The following LRRC8A variants were observed in gnomAD, a reference collection of about 807,000 sequenced individuals.
The protein encoded by LRRC8A is leucine rich repeat containing 8 VRAC subunit A.
Under a neutral mutation model 52.5 loss-of-function variants are expected in LRRC8A, and 24 were observed. The observed-to-expected ratio is 0.46, with a 90% confidence interval of 0.33 to 0.64. The LOEUF is 0.64. Ranked by LOEUF, LRRC8A falls within the 30% of genes least tolerant of loss-of-function variation. LRRC8A has a pLI of 0.02. For missense variants in LRRC8A, 677 were observed against 1,094.7 expected (o/e 0.62, Z 5.38); for synonymous variants, 492 against 494.2 (o/e 1.00, Z 0.06).
At chr9:128,905,097 CA>C (rs1840193594) in intron 2 of LRRC8A, among the ~76,000 whole-genome samples, 1 of 151,710 alleles carries the variant, frequency 6.6e-6, no homozygotes, top group Non-Finnish European at 1.5e-5. Flanking sequence ...ATTGCTTGAC[CA>C]GGAGGTTGAG....
At chr9:128,900,599 T>A (rs1402452615) in intron 2 of LRRC8A, among the ~76,000 whole-genome samples, 1 of 151,844 alleles carries the variant, frequency 6.6e-6, no homozygotes, top group African/African-American at 2.4e-5. Context: ...TCCTAGCTAC[T>A]CAGGAGACTG....
At chr9:128,886,601 G>A (rs1204692740) in intron 2 of LRRC8A, among the ~76,000 whole-genome samples, 5 of 152,170 alleles carry the variant, frequency 3.3e-5, no homozygotes, top group African/African-American at 7.2e-5. Context: ...CTAGCGACTC[G>A]TGTTTCCCCA....
In LRRC8A at chr9:128,891,601, C is replaced by A. The variant is rs1381210146; in HGVS notation, c.-9+5480C>A. On this transcript the variant is annotated intron_variant, in intron 2 of 3. Transcript: ENST00000372600. ...GCCTGCCTTCTAGGCCCTTCTGCCC[C>A]CAGGGCCCAGACCCAACACTGCCTT... 3.9e-5 allele frequency among the ~76,000 whole-genome samples: 6 copies of A among 152,166 alleles called. No homozygotes were observed. The East Asian group carries it at 9.6e-4, about 24-fold the overall frequency.
rs1057394938 is a variant in LRRC8A at position 128,907,400 on chromosome 9, C to A, written c.236C>A (p.Pro79His). 1 of 1,613,286 alleles carries A rather than the reference C, an allele frequency of 6.2e-7. No individual in the cohort carries two copies. The change falls in exon 3 of 4, where the codon CCC becomes CAC. Residue 79 changes from proline (P) to histidine (H), a missense_variant. Physicochemically the swap from Pro to His is moderately conservative, Grantham distance 77 (BLOSUM62 -2). Coordinates refer to ENST00000372600, the MANE Select transcript of LRRC8A (RefSeq NM_019594.4). This position sits in a 1 kb window ranked among gnomAD's most constrained non-coding sequence, Gnocchi z 9.3. ...GGCTGGGCAGCCCCTGGCCCGGAGC[C>A]CACCTACCCCAACTCCACCATTCTG... ...FRGWAAPGPE[P>H]TYPNSTILPT...
chr9:128,915,541 A>G (rs190848830), intron 3 of LRRC8A, among the ~76,000 whole-genome samples: 1,922 of 152,192 alleles, frequency 0.013, 30 homozygotes, highest in African/African-American at 0.041. Flanking sequence ...TAGCCAGGAT[A>G]GTCTCGATCT....
At position 128,916,217 on chromosome 9, in the gene LRRC8A, A is replaced by G; in HGVS notation, c.2279A>G (p.Glu760Gly). Residue 760 changes from glutamate (E) to glycine (G), a missense_variant, in exon 4 of 4, where the codon GAG becomes GGG. Physicochemically the swap from Glu to Gly is moderately conservative, Grantham distance 98. Around this residue, in one of 4 missense-constraint regions of LRRC8A, gnomAD observed 169 missense variants for 217.6 expected, o/e 0.78. Coordinates refer to ENST00000372600, the MANE Select transcript of LRRC8A (RefSeq NM_019594.4). The surrounding 1 kb of genome is among the most constrained non-coding windows in gnomAD (Gnocchi z 6.1). ...GAGCTGACCAACCTGACGCAGATCG[A>G]GCTGCGGGGCAACCGGCTGGAGTGC... is the stretch of plus-strand genomic sequence containing the variant. ...VGELTNLTQI[E>G]LRGNRLECLP... 1 of 1,613,630 alleles carries G rather than the reference A, an allele frequency of 6.2e-7. No homozygotes were observed.
chr9:128,889,619 C>T (rs573010317), intron 2 of LRRC8A, among the ~76,000 whole-genome samples: 15 of 152,070 alleles, frequency 9.9e-5, no homozygotes, highest in African/African-American at 2.7e-4. Context: ...CTCAGCCTCC[C>T]GAGTAGCTGG....
intron 2 of LRRC8A, among the ~76,000 whole-genome samples, chr9:128,901,485 A>G (rs768264113): frequency 2.0e-4 from 31 of 151,998 alleles, no homozygotes; most frequent in Non-Finnish European, 2.9e-4. Flanking sequence ...TTTTTACCCT[A>G]GTGTGGTGCT....
At chr9:128,904,387 C>T (rs1840150983) in intron 2 of LRRC8A, among the ~76,000 whole-genome samples, 1 of 151,440 alleles carries the variant, frequency 6.6e-6, no homozygotes, top group South Asian at 2.1e-4. Flanking sequence ...GGCGTGGTAG[C>T]GTGTGCCTGT....
chr9:128,898,244 G>A (rs557678147), intron 2 of LRRC8A, among the ~76,000 whole-genome samples: 2 of 151,942 alleles, frequency 1.3e-5, no homozygotes, highest in East Asian at 3.9e-4. Context: ...TTTGTGAGAC[G>A]GAGTCTTGCT....
chr9:128,907,337 A>G lies in LRRC8A; in HGVS notation c.173A>G (p.Lys58Arg), dbSNP rs1840292693. ...TQDKMICLPC[K>R]WVTKDSCNDS... ...GACAAGATGATCTGCCTGCCTTGTA[A>G]GTGGGTCACCAAGGACTCCTGCAAT... is the stretch of plus-strand genomic sequence containing the variant. Residue 58 changes from lysine to arginine, a missense_variant, in exon 3 of 4, where the codon AAG (lysine) becomes AGG (arginine). By Grantham distance (26) the Lys-to-Arg change is conservative. Transcript: ENST00000372600. The surrounding 1 kb of genome is among the most constrained non-coding windows in gnomAD (Gnocchi z 9.3). The G allele has an allele frequency of 6.2e-7, 1 of 1,613,858 alleles. No individual in the cohort carries two copies. Among genetic ancestry groups the G allele is most frequent in the East Asian group, 2.2e-5 (1 of 44,874 alleles).
intron 2 of LRRC8A, among the ~76,000 whole-genome samples, chr9:128,897,554 T>A (rs924877825): frequency 1.7e-4 from 25 of 150,330 alleles, no homozygotes; most frequent in Middle Eastern, 6.8e-3. Context: ...TAAAAAAAAA[T>A]TTTTTTTTTG....
chr9:128,910,333 C>A (rs910526060), intron 3 of LRRC8A, among the ~76,000 whole-genome samples: 1 of 152,208 alleles, frequency 6.6e-6, no homozygotes, highest in African/African-American at 2.4e-5. Context: ...GACACAGCAG[C>A]AGCTGTCGTG....
In LRRC8A at chr9:128,892,257, G is replaced by A. The variant is rs528980331; in HGVS notation, c.-9+6136G>A. On this transcript the variant is annotated intron_variant, in intron 2 of 3. Coordinates refer to ENST00000372600, the MANE Select transcript of LRRC8A (RefSeq NM_019594.4). This position sits in a 1 kb window ranked among gnomAD's most constrained non-coding sequence, Gnocchi z 5.2. ...TCAGTAACTGGGCGCTCCTGCCCCA[G>A]CCTGGCAGGGCGAGGGCAGGTCCTG... 7.9e-5 allele frequency among the ~76,000 whole-genome samples: 12 copies of A among 152,316 alleles called. No homozygotes were observed. Among genetic ancestry groups the A allele is most frequent in the Non-Finnish European group, 1.8e-4 (12 of 68,018 alleles).
chr9:128,911,289 G>T lies in LRRC8A; in HGVS notation c.2157+1968G>T, dbSNP rs1327496075. Among the ~76,000 whole-genome samples, 1 of 152,138 alleles carries T rather than the reference G, an allele frequency of 6.6e-6. No homozygotes were observed. The highest frequency in any genetic ancestry group is 6.6e-5 in the Admixed American group (1 of 15,262). On this transcript the variant is annotated intron_variant, in intron 3 of 3. Coordinates refer to ENST00000372600, the MANE Select transcript of LRRC8A (RefSeq NM_019594.4). This position sits in a 1 kb window ranked among gnomAD's most constrained non-coding sequence, Gnocchi z 4.9. ...CTGCAGAGCAACCTGCAACCCACAT[G>T]TATCAGGGATTTTGACAAGTCCTTA...
intron 3 of LRRC8A, among the ~76,000 whole-genome samples, chr9:128,909,963 C>T (rs1246914692): frequency 6.6e-6 from 1 of 152,196 alleles, no homozygotes; most frequent in Non-Finnish European, 1.5e-5. Context: ...TTGTGCAAAT[C>T]ATTGTCACTG....
chr9:128,908,072 C>G lies in LRRC8A; in HGVS notation c.908C>G (p.Thr303Arg), dbSNP rs771228754. The G allele has an allele frequency of 6.2e-7, 1 of 1,614,064 alleles. No individual in the cohort carries two copies. Among genetic ancestry groups the G allele is most frequent in the Non-Finnish European group, 8.5e-7 (1 of 1,180,040 alleles). ...TGCACCGTGGACATTGAGAGCCTGA[C>G]GGGCTACCGCACCTACCGCTGTGCC... ...VDCTVDIESL[T>R]GYRTYRCAHP... Residue 303 changes from threonine to arginine, a missense_variant, in exon 3 of 4, where the codon ACG becomes AGG. Coordinates refer to ENST00000372600, the MANE Select transcript of LRRC8A (RefSeq NM_019594.4).
At chr9:128,886,563 C>T (rs1403710796) in intron 2 of LRRC8A, among the ~76,000 whole-genome samples, 1 of 152,196 alleles carries the variant, frequency 6.6e-6, no homozygotes, top group African/African-American at 2.4e-5. Context: ...GAGCCGTCAT[C>T]AGGATTGAGC....
intron 2 of LRRC8A, among the ~76,000 whole-genome samples, chr9:128,896,696 A>G (rs1377014564): frequency 6.6e-6 from 1 of 151,626 alleles, no homozygotes; most frequent in African/African-American, 2.4e-5. Flanking sequence ...TTTATTCTGG[A>G]TACTAATCTT....
Sources: allele counts gnomAD v4.1 joint callset (sites outside exome capture counted in the v4.1 genomes callset), GRCh38; gene constraint gnomAD v4.1.1; regional missense constraint gnomAD v4.1.1; non-coding constraint Gnocchi (gnomAD v3.1); transcripts MANE v1.5; gene names NCBI Gene and HGNC (gene_info 2026-07-23, HGNC 2026-07-21).